Variants in MFN1 observed in about 807,000 individuals in gnomAD.
MFN1 encodes the protein mitofusin-1.
Under a neutral mutation model 92.4 loss-of-function variants are expected in MFN1, and 65 were observed. The observed-to-expected ratio is 0.70, with a 90% CI of 0.58 to 0.86. MFN1 has a LOEUF of 0.86. MFN1 is among the 40% of genes least tolerant of loss of function. MFN1 has a pLI of 0.00. For missense variants in MFN1, 781 were observed against 868.0 expected (o/e 0.90, Z 1.26); for synonymous variants, 297 against 300.9 (o/e 0.99, Z 0.13).
chr3:179,385,159 CACCTCG>C (rs1039939863), intron 14 of MFN1, among the ~76,000 whole-genome samples: 12 of 151,132 alleles, frequency 7.9e-5, no homozygotes, highest in Non-Finnish European at 1.6e-4. Context: ...GAGATCCATC[CACCTCG>C]GCCTCCCAAA....
At chr3:179,350,313 G>A (rs1307588513) in intron 2 of MFN1, among the ~76,000 whole-genome samples, 1 of 151,808 alleles carries the variant, frequency 6.6e-6, no homozygotes, top group East Asian at 1.9e-4. Flanking sequence ...AGCTCCTTTA[G>A]GGCAGGAGCC....
Position 179,394,730 on chromosome 3 carries a change from T to G in MFN1, c.*2671T>G, listed in dbSNP as rs555822674. The G allele has an allele frequency of 5.9e-5, 9 of 152,306 alleles. No individual in the cohort carries two copies. The highest frequency in any genetic ancestry group is 3.9e-4 in the East Asian group (2 of 5,176). The allele number at this position is 152,306 out of a possible 1,614,324, so 9.4% of individuals were successfully genotyped here. On this transcript the variant is annotated 3_prime_UTR_variant, in exon 18 of 18. Coordinates refer to ENST00000471841, the MANE Select transcript of MFN1 (RefSeq NM_033540.3). ...GCGCCCGGCCGAAAGCCAACTCTTA[T>G]GCCTAGAAATATGTGCACCTATGAC...
At chr3:179,350,681 G>A (rs1402610751) in intron 2 of MFN1, among the ~76,000 whole-genome samples, 1 of 152,088 alleles carries the variant, frequency 6.6e-6, no homozygotes, top group African/African-American at 2.4e-5. Context: ...AAAAATAAAT[G>A]TAATGATACT....
intron 7 of MFN1, among the ~76,000 whole-genome samples, chr3:179,365,527 C>CT (rs1214547862): frequency 3.3e-5 from 5 of 152,232 alleles, no homozygotes; most frequent in African/African-American, 1.2e-4. Flanking sequence ...GTTTGGCTTC[C>CT]TAAAGTGCTG....
chr3:179,386,251 G>C (rs867416767), intron 15 of MFN1, among the ~76,000 whole-genome samples, 182 bp from the exon 16 acceptor site: 1 of 152,166 alleles, frequency 6.6e-6, no homozygotes, highest in African/African-American at 2.4e-5. Context: ...CCTCATTTGT[G>C]TGCTGATCCC....
At chr3:179,391,115 T>G (rs994220673) in intron 17 of MFN1, among the ~76,000 whole-genome samples, 2 of 149,080 alleles carry the variant, frequency 1.3e-5, no homozygotes, top group Non-Finnish European at 2.9e-5. Context: ...GGTGAAACTG[T>G]GCAGTAGAAA....
chr3:179,369,740 A>G (rs1392056060), intron 9 of MFN1, among the ~76,000 whole-genome samples: 5 of 152,214 alleles, frequency 3.3e-5, no homozygotes, highest in Admixed American at 6.5e-5. Context: ...ATCTATATAC[A>G]TATATATTCA....
chr3:179,383,880 A>AGAG (rs1447126393), intron 14 of MFN1, among the ~76,000 whole-genome samples: 23 of 152,224 alleles, frequency 1.5e-4, no homozygotes, highest in Non-Finnish European at 2.5e-4. Flanking sequence ...AAATTTATCA[A>AGAG]TTCAGTAATT....
chr3:179,363,658 ATTT>A (rs907991742), intron 5 of MFN1, among the ~76,000 whole-genome samples: 1 of 148,874 alleles, frequency 6.7e-6, no homozygotes, highest in East Asian at 2.0e-4. Context: ...AGCCTAGCTA[ATTT>A]TTTTTTTGTG....
chr3:179,377,966 G>A (rs1460878754), intron 12 of MFN1, among the ~76,000 whole-genome samples: 2 of 151,942 alleles, frequency 1.3e-5, no homozygotes, highest in Non-Finnish European at 1.5e-5. Flanking sequence ...AGGCTGAGGC[G>A]GGAGAATCGC....
At chr3:179,348,544 A>G (rs1712010593) in intron 1 of MFN1, among the ~76,000 whole-genome samples, 1 of 152,198 alleles carries the variant, frequency 6.6e-6, no homozygotes, top group Admixed American at 6.5e-5. Flanking sequence ...TCCCTGATGT[A>G]CTTTAGAGTC....
At chr3:179,349,409 C>G (rs2108520652) in intron 2 of MFN1, among the ~76,000 whole-genome samples, 1 of 152,276 alleles carries the variant, frequency 6.6e-6, no homozygotes, top group South Asian at 2.1e-4. Flanking sequence ...TCAGACATAT[C>G]TCATTCTCTC....
At chr3:179,358,739 TAAC>T (rs1474470253) in intron 3 of MFN1, 98 bp from the exon 4 acceptor site, 7 of 1,241,534 alleles carry the variant, frequency 5.6e-6, no homozygotes, top group Admixed American at 2.5e-5. Context: ...TAAGAAATCT[TAAC>T]AAAATTTGGA....
At chr3:179,378,951 G>A in intron 14 of MFN1, 137 bp downstream of exon 14, 1 of 728,124 alleles carries the variant, frequency 1.4e-6, no homozygotes, top group Non-Finnish European at 2.2e-6. Flanking sequence ...TTCTGAGGTA[G>A]ATATTTAGTT....
Position 179,386,493 on chromosome 3 carries a change from T to C in MFN1, c.1876T>C (p.Tyr626His). 6.2e-7 allele frequency: 1 copy of C among 1,614,008 alleles called. No homozygotes were observed. Among genetic ancestry groups the C allele is most frequent in the Non-Finnish European group, 8.5e-7 (1 of 1,179,914 alleles). ...SVSLTMYGAL[Y>H]LYERLSWTTH... is the part of the protein sequence containing the mutation. ...TTCATTAACTATGTATGGAGCTTTG[T>C]ATCTTTATGAAAGACTGAGCTGGAC... The change falls in exon 16 of 18, where the codon TAT becomes CAT. Residue 626 changes from tyrosine (Y) to histidine (H), a missense_variant. By Grantham distance (83) the Tyr-to-His change is moderately conservative. Coordinates refer to ENST00000471841, the MANE Select transcript of MFN1 (RefSeq NM_033540.3).
intron 14 of MFN1, 91 bp from the exon 15 acceptor site, chr3:179,385,476 CAT>C (rs79966910): frequency 0.23 from 270,107 of 1,185,100 alleles, 32,346 homozygotes; most frequent in East Asian, 0.39. Flanking sequence ...ATTTTTCCCT[CAT>C]AGATGTGCTA....
At chr3:179,351,726 G>C (rs1017408193) in intron 2 of MFN1, among the ~76,000 whole-genome samples, 174 bp from the exon 3 acceptor site, 33 of 152,088 alleles carry the variant, frequency 2.2e-4, no homozygotes, top group African/African-American at 8.0e-4. Context: ...AAATTCTTTT[G>C]GGCGGGATTC....
rs1712730572 is a variant in MFN1 at position 179,365,049 on chromosome 3, T to C, written c.646-69T>C. 4.5e-6 allele frequency: 4 copies of C among 897,250 alleles called. No individual in the cohort carries two copies. In the Admixed American group the frequency reaches 9.0e-5, roughly 20 times the overall value. The allele number at this position is 897,250 out of a possible 1,614,324, so 55.6% of individuals were successfully genotyped here. A position where few individuals can be genotyped will look rare whatever the true frequency, so the allele number is the denominator to read the frequency against. ...TGTTTAAATGGTTCAGACTTTCTCATTAAAATAAAATTTCAATTATAAATG... is the reference window on the plus strand; with the variant it reads ...TGTTTAAATGGTTCAGACTTTCTCACTAAAATAAAATTTCAATTATAAATG... On this transcript the variant is annotated intron_variant, in intron 6 of 17. Transcript: ENST00000471841.
intron 5 of MFN1, among the ~76,000 whole-genome samples, chr3:179,364,030 A>G (rs953889128): frequency 6.6e-6 from 1 of 152,144 alleles, no homozygotes; most frequent in Non-Finnish European, 1.5e-5. Flanking sequence ...TACTGGATAT[A>G]GCTGCTTGAA....
Sources: gnomAD v4.1 joint callset for allele counts (sites outside exome capture counted in the v4.1 genomes callset) on GRCh38, gnomAD v4.1.1 for gene constraint, MANE v1.5 for transcripts, NCBI Gene and HGNC (gene_info 2026-07-23, HGNC 2026-07-21) for gene names.